TANC2: variants seen among roughly 807,000 people sequenced by gnomAD.
TANC2 encodes tetratricopeptide repeat, ankyrin repeat and coiled-coil containing 2, also known as protein TANC2.
In TANC2, 26 loss-of-function variants were observed where a neutral mutation model predicts 210.5. The ratio of observed to expected loss-of-function variants is 0.12; its 90% CI spans 0.09 to 0.17. TANC2 has a LOEUF of 0.17. TANC2 is among the 10% of genes least tolerant of loss of function. TANC2 has a pLI of 1.00. For synonymous variants in TANC2, 931 were observed against 967.1 expected (o/e 0.96, Z 0.69); for missense variants, 2,129 against 2,608.9 (o/e 0.82, Z 4.01).
At chr17:63,201,100 G>T (rs562846279) in intron 7 of TANC2, 143 bp downstream of exon 7, 4 of 667,634 alleles carry the variant, frequency 6.0e-6, no homozygotes, top group Non-Finnish European at 9.6e-6. Flanking sequence ...AATGATGCTG[G>T]AGAGAGAAAC....
chr17:63,083,927 A>G (rs1203247466), intron 3 of TANC2, among the ~76,000 whole-genome samples: 2 of 152,212 alleles, frequency 1.3e-5, no homozygotes, highest in African/African-American at 2.4e-5. Context: ...ACGTACGTTC[A>G]TGAGAGAAAT....
intron 14 of TANC2, among the ~76,000 whole-genome samples, chr17:63,379,289 C>T (rs1057465073): frequency 6.6e-6 from 1 of 152,054 alleles, no homozygotes; most frequent in Admixed American, 6.5e-5. Flanking sequence ...GAGCAGGTGC[C>T]CTTCCCCAAA....
chr17:63,422,330 G>T (rs949002728), exon 28 of TANC2: 3 of 184,442 alleles, frequency 1.6e-5, no homozygotes, highest in African/African-American at 7.1e-5. Flanking sequence ...AAAAAATAAG[G>T]TGTTCTTGTT....
In TANC2 at chr17:63,389,630, G is replaced by A. The variant is rs1404643858; in HGVS notation, c.3051+86G>A. ...TTTCTTATCTCCAGTGTTACTTCATGAGTCTGGGTAGAGTATATCAAACCA... is the reference window on the plus strand; with the variant it reads ...TTTCTTATCTCCAGTGTTACTTCATAAGTCTGGGTAGAGTATATCAAACCA... On this transcript the variant is annotated intron_variant, in intron 17 of 27. Coordinates refer to ENST00000689528, the Ensembl canonical transcript of TANC2. 4 of 1,289,402 alleles carry A rather than the reference G, an allele frequency of 3.1e-6. No homozygotes were observed. The South Asian group carries it at 3.9e-5, about 12-fold the overall frequency. The allele number at this position is 1,289,402 out of a possible 1,614,324, so 79.9% of individuals were successfully genotyped here. A position where few individuals can be genotyped will look rare whatever the true frequency, so the allele number is the denominator to read the frequency against.
At chr17:63,325,077 G>GAC (rs2045604326) in intron 11 of TANC2, among the ~76,000 whole-genome samples, 1 of 135,314 alleles carries the variant, frequency 7.4e-6, no homozygotes, top group Non-Finnish European at 1.6e-5. Flanking sequence ...GGGGGCGGGG[G>GAC]GCGGGCAGGG....
At chr17:63,363,144 A>T (rs1293010670) in intron 14 of TANC2, among the ~76,000 whole-genome samples, 1 of 152,088 alleles carries the variant, frequency 6.6e-6, no homozygotes, top group Admixed American at 6.5e-5. Flanking sequence ...CCTGTTTGCC[A>T]TTTGTGTGTC....
At chr17:63,299,387 C>G (rs181624799) in intron 9 of TANC2, among the ~76,000 whole-genome samples, 141 of 152,262 alleles carry the variant, frequency 9.3e-4, no homozygotes, top group Non-Finnish European at 1.6e-3. Context: ...ATATTCCCAC[C>G]AACAGTGTAA....
At chr17:63,259,616 A>G (rs1444200888) in intron 8 of TANC2, among the ~76,000 whole-genome samples, 1 of 152,190 alleles carries the variant, frequency 6.6e-6, no homozygotes, top group Non-Finnish European at 1.5e-5. Flanking sequence ...TGAAAAATAC[A>G]TTCTCTTTTA....
chr17:63,082,056 A>C (rs2036795746), intron 3 of TANC2, among the ~76,000 whole-genome samples: 1 of 152,108 alleles, frequency 6.6e-6, no homozygotes. Flanking sequence ...CTGTAGTCCC[A>C]GCTACTTGGG....
chr17:62,988,065 C>T (rs2032663575), intron 1 of TANC2, among the ~76,000 whole-genome samples: 1 of 152,046 alleles, frequency 6.6e-6, no homozygotes, highest in Non-Finnish European at 1.5e-5. Context: ...ATTTTTATTA[C>T]AAGATAAGGG....
intron 2 of TANC2, among the ~76,000 whole-genome samples, chr17:63,037,706 C>T (rs944461553): frequency 6.6e-6 from 1 of 151,896 alleles, no homozygotes; most frequent in Non-Finnish European, 1.5e-5. Context: ...CCCAGCTACT[C>T]GGGAGTCTGA....
chr17:63,339,614 AAG>A (rs1411383741), intron 11 of TANC2, among the ~76,000 whole-genome samples: 6 of 152,214 alleles, frequency 3.9e-5, no homozygotes, highest in Non-Finnish European at 8.8e-5. Flanking sequence ...TTATTTTTAT[AAG>A]ACTTAGTTTA....
chr17:63,243,073 A>G (rs1293193072), intron 8 of TANC2, among the ~76,000 whole-genome samples: 1 of 152,138 alleles, frequency 6.6e-6, no homozygotes, highest in Non-Finnish European at 1.5e-5. Context: ...ACTGTCTTTG[A>G]TCTCCGACCC....
At chr17:63,324,536 T>C (rs1460855346) in intron 11 of TANC2, among the ~76,000 whole-genome samples, 1 of 152,084 alleles carries the variant, frequency 6.6e-6, no homozygotes, top group Non-Finnish European at 1.5e-5. Flanking sequence ...AAGAATAAGA[T>C]TTTATTTGTG....
intron 11 of TANC2, among the ~76,000 whole-genome samples, chr17:63,329,082 A>G (rs1457503173): frequency 6.6e-6 from 1 of 152,164 alleles, no homozygotes; most frequent in Non-Finnish European, 1.5e-5. Flanking sequence ...CAGATTTGGG[A>G]GTCTATTGCA....
intron 3 of TANC2, among the ~76,000 whole-genome samples, chr17:63,082,719 G>A (rs1294635821): frequency 6.6e-6 from 1 of 152,042 alleles, no homozygotes; most frequent in Non-Finnish European, 1.5e-5. Flanking sequence ...ATTGATGAGT[G>A]GAAGTTCATT....
intron 5 of TANC2, among the ~76,000 whole-genome samples, chr17:63,170,818 T>C (rs977675554): frequency 6.6e-6 from 1 of 152,174 alleles, no homozygotes; most frequent in African/African-American, 2.4e-5. Flanking sequence ...ACAAGATCCA[T>C]CTCTTTGAGC....
intron 11 of TANC2, among the ~76,000 whole-genome samples, chr17:63,330,803 C>T (rs990142730): frequency 1.3e-5 from 2 of 152,112 alleles, no homozygotes; most frequent in Admixed American, 6.6e-5. Flanking sequence ...AGGCGGAGCG[C>T]GGTGGCTCCT....
intron 7 of TANC2, among the ~76,000 whole-genome samples, chr17:63,208,085 C>G (rs2041778257): frequency 6.6e-6 from 1 of 152,128 alleles, no homozygotes; most frequent in South Asian, 2.1e-4. Context: ...CTTTTCCTTA[C>G]AGATTTGAAG....
Sources: gnomAD v4.1 joint callset for allele counts (sites outside exome capture counted in the v4.1 genomes callset) on GRCh38, gnomAD v4.1.1 for gene constraint, MANE v1.5 for transcripts, NCBI Gene and HGNC (gene_info 2026-07-23, HGNC 2026-07-21) for gene names.